Variants in NFIC observed in about 807,000 individuals in gnomAD.
NFIC encodes nuclear factor I C, also known as nuclear factor 1 C-type.
A neutral mutation model predicts 54.4 loss-of-function variants in NFIC; 12 were observed. The ratio of observed to expected loss-of-function variants is 0.22; its 90% CI spans 0.14 to 0.36. NFIC has a LOEUF of 0.36. NFIC is among the 10% of genes least tolerant of loss of function. The pLI is 1.00. For missense variants in NFIC, 575 were observed against 718.2 expected (o/e 0.80, Z 2.28); for synonymous variants, 322 against 319.2 (o/e 1.01, Z -0.09).
chr19:3,365,977 A>C (rs2080875342), upstream of NFIC, among the ~76,000 whole-genome samples: 1 of 151,730 alleles, frequency 6.6e-6, no homozygotes, highest in Non-Finnish European at 1.5e-5. Context: ...AGGGTCGTAC[A>C]TCTTTAAGGG....
At chr19:3,377,205 G>A (rs2081122869) in intron 1 of NFIC, among the ~76,000 whole-genome samples, 2 of 151,320 alleles carry the variant, frequency 1.3e-5, no homozygotes, top group African/African-American at 4.9e-5. Flanking sequence ...ATGGTGGCGG[G>A]TGCCTGTAGT....
At chr19:3,455,973 C>G (rs368809332) in intron 9 of NFIC, among the ~76,000 whole-genome samples, 1 of 152,152 alleles carries the variant, frequency 6.6e-6, no homozygotes, top group Non-Finnish European at 1.5e-5. Context: ...CCTGTTGCAG[C>G]TTCTTCTCCC....
In NFIC at chr19:3,467,783, A is replaced by G. The variant is rs1040867965; in HGVS notation, c.*5014A>G. ...CATATATATATATATATATATATAT[A>G]TATATAATTTTGGAATTTGTTTCTC... On this transcript the variant is annotated 3_prime_UTR_variant, in exon 11 of 11. Transcript: ENST00000443272. 2 of 138,038 alleles carry G rather than the reference A, an allele frequency of 1.4e-5. No homozygotes were observed. Among genetic ancestry groups the G allele is most frequent in the Admixed American group, 1.4e-4 (2 of 13,916 alleles). The allele number at this position is 138,038 out of a possible 1,614,324, so 8.6% of individuals were successfully genotyped here. A position where few individuals can be genotyped will look rare whatever the true frequency, so the allele number is the denominator to read the frequency against.
intron 2 of NFIC, among the ~76,000 whole-genome samples, chr19:3,400,514 TTGGTTCAGGCGA>T (rs1417214458): frequency 2.0e-5 from 3 of 151,860 alleles, no homozygotes; most frequent in African/African-American, 7.3e-5. Context: ...AACTCACAGT[TTGGTTCAGGCGA>T]TGGGCAAAGA....
intron 2 of NFIC, among the ~76,000 whole-genome samples, chr19:3,404,009 AC>A (rs1325490136): frequency 2.3e-5 from 3 of 128,988 alleles, no homozygotes; most frequent in South Asian, 2.5e-4. Flanking sequence ...TCCCTTCTCC[AC>A]CCCCCCAGCC....
chr19:3,388,029 GC>G (rs2081324792), intron 2 of NFIC, among the ~76,000 whole-genome samples: 1 of 152,146 alleles, frequency 6.6e-6, no homozygotes, highest in African/African-American at 2.4e-5. Context: ...CGTCCCAGCA[GC>G]TGCCAGCCCG....
intron 1 of NFIC, among the ~76,000 whole-genome samples, chr19:3,360,968 C>T (rs1302890318): frequency 6.6e-6 from 1 of 152,210 alleles, no homozygotes; most frequent in Non-Finnish European, 1.5e-5. Flanking sequence ...GCCTTCCACT[C>T]CCGGCCTCGC....
At chr19:3,422,770 G>A (rs1414626285) in intron 2 of NFIC, among the ~76,000 whole-genome samples, 1 of 152,062 alleles carries the variant, frequency 6.6e-6, no homozygotes, top group African/African-American at 2.4e-5. Flanking sequence ...GGGGGTCTTG[G>A]AGACAGTACT....
chr19:3,404,487 G>T (rs1221472326), intron 2 of NFIC, among the ~76,000 whole-genome samples: 1 of 152,158 alleles, frequency 6.6e-6, no homozygotes, highest in Non-Finnish European at 1.5e-5. Context: ...CCCTGCTGTT[G>T]GCACCACGTG....
At chr19:3,428,046 T>G (rs1325876211) in intron 3 of NFIC, among the ~76,000 whole-genome samples, 1 of 151,458 alleles carries the variant, frequency 6.6e-6, no homozygotes, top group African/African-American at 2.4e-5. Flanking sequence ...GGCACATGCC[T>G]GTAATCCCAG....
At chr19:3,388,599 G>A (rs2081333168) in intron 2 of NFIC, among the ~76,000 whole-genome samples, 1 of 151,768 alleles carries the variant, frequency 6.6e-6, no homozygotes, top group African/African-American at 2.4e-5. Flanking sequence ...GAGGCAGGAG[G>A]ATCACTTGAG....
At chr19:3,416,900 T>C (rs2081864781) in intron 2 of NFIC, among the ~76,000 whole-genome samples, 1 of 150,116 alleles carries the variant, frequency 6.7e-6, no homozygotes, top group African/African-American at 2.4e-5. Context: ...TTTTTTTTTT[T>C]TGAGATGGAG....
intron 6 of NFIC, among the ~76,000 whole-genome samples, chr19:3,440,209 C>A (rs555356669): frequency 1.3e-5 from 2 of 152,224 alleles, no homozygotes; most frequent in South Asian, 4.1e-4. Flanking sequence ...AGACCATCCT[C>A]TGGGGCGGGG....
chr19:3,406,448 G>A (rs1416876782), intron 2 of NFIC, among the ~76,000 whole-genome samples: 3 of 150,704 alleles, frequency 2.0e-5, no homozygotes, highest in East Asian at 3.9e-4. Flanking sequence ...AGCTGGTCTC[G>A]AACTTCTGAC....
At chr19:3,394,514 T>TCCCCCCCCCCC (rs199958298) in intron 2 of NFIC, among the ~76,000 whole-genome samples, 22 of 25,216 alleles carry the variant, frequency 8.7e-4, no homozygotes, top group Non-Finnish European at 9.8e-4. Flanking sequence ...TATGATCTTT[T>TCCCCCCCCCCC]CCCCACCCAC....
intron 1 of NFIC, among the ~76,000 whole-genome samples, chr19:3,367,386 C>G (rs1250029602): frequency 6.6e-6 from 1 of 152,092 alleles, no homozygotes; most frequent in African/African-American, 2.4e-5. Flanking sequence ...GAGCCGCCGC[C>G]GGGAGGAGCG....
Position 3,465,943 on chromosome 19 carries a change from C to T in NFIC, c.*3174C>T, listed in dbSNP as rs1459899404. 1 of 152,310 alleles carries T rather than the reference C, an allele frequency of 6.6e-6. No homozygotes were observed. The highest frequency in any genetic ancestry group is 2.4e-5 in the African/African-American group (1 of 41,442). 9.4% of individuals were successfully genotyped at this position (152,310 alleles called of 1,614,324 possible). A position where few individuals can be genotyped will look rare whatever the true frequency, so the allele number is the denominator to read the frequency against. On this transcript the variant is annotated 3_prime_UTR_variant, in exon 11 of 11. Coordinates refer to ENST00000443272, the MANE Select transcript of NFIC (RefSeq NM_001245002.2). Reference sequence around the variant, plus strand: ...GACCTCTTTTCCCCTATCCAGAGACCACCCCAGGTGGCATTCTCTCCCACC... The same window carrying T: ...GACCTCTTTTCCCCTATCCAGAGACTACCCCAGGTGGCATTCTCTCCCACC...
chr19:3,447,452 A>G (rs1241043030), intron 6 of NFIC, among the ~76,000 whole-genome samples: 1 of 152,146 alleles, frequency 6.6e-6, no homozygotes, highest in Non-Finnish European at 1.5e-5. Flanking sequence ...GAAAGTGTCA[A>G]GGGGCACCGT....
In NFIC at chr19:3,369,915, G is replaced by A. The variant is rs1005665985; in HGVS notation, c.30+3249G>A. Among the ~76,000 whole-genome samples, 2 of 152,164 alleles carry A rather than the reference G, an allele frequency of 1.3e-5. No individual in the cohort carries two copies. Among genetic ancestry groups the A allele is most frequent in the East Asian group, 1.9e-4 (1 of 5,192 alleles). On this transcript the variant is annotated intron_variant, in intron 1 of 10. Coordinates refer to ENST00000443272, the MANE Select transcript of NFIC (RefSeq NM_001245002.2). The surrounding 1 kb of genome is among the most constrained non-coding windows in gnomAD (Gnocchi z 4.3). ...TCATTCGTTCGTCCCATGCCCTCTCGGAGCACAATGTGCTTTGCTGCCATT... is the reference window on the plus strand; with the variant it reads ...TCATTCGTTCGTCCCATGCCCTCTCAGAGCACAATGTGCTTTGCTGCCATT...
Sources: gnomAD v4.1 joint callset for allele counts (sites outside exome capture counted in the v4.1 genomes callset) on GRCh38, gnomAD v4.1.1 for gene constraint, Gnocchi (gnomAD v3.1) non-coding constraint, MANE v1.5 for transcripts, NCBI Gene and HGNC (gene_info 2026-07-23, HGNC 2026-07-21) for gene names.